Variants in KIF6 observed in about 807,000 individuals in gnomAD.
KIF6 encodes the protein kinesin-like protein KIF6.
KIF6 carries 106 observed loss-of-function variants against 112.7 expected under a neutral mutation model. The observed-to-expected ratio is 0.94, with a 90% CI of 0.80 to 1.11. The LOEUF (loss-of-function observed/expected upper bound fraction) is 1.11. KIF6 is among the 50% of genes least tolerant of loss of function. KIF6 has a pLI of 0.00. For missense variants in KIF6, 929 were observed against 964.0 expected (o/e 0.96, Z 0.48); for synonymous variants, 339 against 339.9 (o/e 1.00, Z 0.03).
chr6:39,341,157 G>C (rs1430800771), intron 22 of KIF6, among the ~76,000 whole-genome samples: 1 of 151,856 alleles, frequency 6.6e-6, no homozygotes, highest in Non-Finnish European at 1.5e-5. Flanking sequence ...CCCCCTGGAG[G>C]GGTTGTATCT....
At chr6:39,666,895 G>A (rs1229345713) in intron 3 of KIF6, among the ~76,000 whole-genome samples, 1 of 152,160 alleles carries the variant, frequency 6.6e-6, no homozygotes, top group Non-Finnish European at 1.5e-5. Flanking sequence ...GAGTCTAATT[G>A]TGTGGCCATT....
Position 39,524,455 on chromosome 6 carries a change from C to T in KIF6, c.1645+15548G>A, listed in dbSNP as rs540390525. ...ACTGGCTGTGCTAGATACTGTGATG[C>T]GCCATCCAGATACCCCTTGAAGAAT... On this transcript the variant is annotated intron_variant, in intron 13 of 22. Coordinates refer to ENST00000287152, the MANE Select transcript of KIF6 (RefSeq NM_145027.6). 5.3e-5 allele frequency among the ~76,000 whole-genome samples: 8 copies of T among 152,200 alleles called. No homozygotes were observed. In the East Asian group the frequency reaches 7.7e-4, roughly 15 times the overall value.
chr6:39,388,550 C>G (rs930876536), intron 15 of KIF6, among the ~76,000 whole-genome samples: 1 of 152,016 alleles, frequency 6.6e-6, no homozygotes, highest in Admixed American at 6.5e-5. Context: ...TTTTATTTCC[C>G]CCAAACAAGC....
At chr6:39,438,530 T>G (rs1021368960) in intron 13 of KIF6, among the ~76,000 whole-genome samples, 2 of 151,736 alleles carry the variant, frequency 1.3e-5, no homozygotes, top group African/African-American at 4.8e-5. Context: ...TTAAAAAAAA[T>G]GAAAAATTTT....
chr6:39,498,375 G>C (rs2150487430), intron 13 of KIF6, among the ~76,000 whole-genome samples: 1 of 152,288 alleles, frequency 6.6e-6, no homozygotes, highest in South Asian at 2.1e-4. Flanking sequence ...TGCGGGTGAG[G>C]AGAGCTGGTC....
intron 16 of KIF6, among the ~76,000 whole-genome samples, chr6:39,367,387 G>A (rs1409536939): frequency 6.6e-6 from 1 of 152,198 alleles, no homozygotes; most frequent in African/African-American, 2.4e-5. Flanking sequence ...TTCAAGGACA[G>A]GATTCTGGCT....
chr6:39,496,900 T>G (rs1170552666), intron 13 of KIF6, among the ~76,000 whole-genome samples: 3 of 152,256 alleles, frequency 2.0e-5, no homozygotes, highest in Non-Finnish European at 4.4e-5. Flanking sequence ...TCAAGTTACT[T>G]AAAACGTCTA....
chr6:39,561,516 T>G (rs776143875), intron 10 of KIF6, among the ~76,000 whole-genome samples: 1 of 151,934 alleles, frequency 6.6e-6, no homozygotes, highest in South Asian at 2.1e-4. Flanking sequence ...CACGCCCGGT[T>G]AATTTTTTTT....
In KIF6 at chr6:39,589,617, T is replaced by A. The variant is rs372487816; in HGVS notation, c.847-3213A>T. 3.9e-5 allele frequency among the ~76,000 whole-genome samples: 6 copies of A among 152,278 alleles called. No homozygotes were observed. The South Asian group carries it at 1.2e-3, about 32-fold the overall frequency. On this transcript the variant is annotated intron_variant, in intron 7 of 22. Coordinates refer to ENST00000287152, the MANE Select transcript of KIF6 (RefSeq NM_145027.6). The stretch of plus-strand genomic sequence containing the variant: ...TAGCTCCACCAAGCAGACAGCCCTA[T>A]GTGGGGTTTGGAGGTGAGCAGTGAG...
intron 13 of KIF6, among the ~76,000 whole-genome samples, chr6:39,532,036 T>C (rs554350171): frequency 1.3e-5 from 2 of 152,256 alleles, no homozygotes; most frequent in South Asian, 4.1e-4. Context: ...ATATTCCTTC[T>C]AGCCACATTT....
At chr6:39,340,071 TAA>T (rs1364630497) in intron 22 of KIF6, among the ~76,000 whole-genome samples, 1 of 152,190 alleles carries the variant, frequency 6.6e-6, no homozygotes, top group African/African-American at 2.4e-5. Context: ...GGCTGCATAT[TAA>T]GTGCCACATG....
At chr6:39,628,533 C>T (rs921996539) in intron 5 of KIF6, among the ~76,000 whole-genome samples, 1 of 152,116 alleles carries the variant, frequency 6.6e-6, no homozygotes, top group African/African-American at 2.4e-5. Flanking sequence ...CCTTCCCTAA[C>T]TCTGTATCCA....
chr6:39,409,176 G>A (rs1571362), intron 15 of KIF6, among the ~76,000 whole-genome samples: 145,485 of 152,262 alleles, frequency 0.96, 69,510 homozygotes, highest in East Asian at 1. Flanking sequence ...GCTGGCCTAC[G>A]GTCTGTGCTT....
chr6:39,497,536 G>A (rs1446781880), intron 13 of KIF6, among the ~76,000 whole-genome samples: 6 of 152,168 alleles, frequency 3.9e-5, no homozygotes, highest in Non-Finnish European at 8.8e-5. Context: ...ATCAACTGTA[G>A]CACAAAGCCC....
intron 5 of KIF6, chr6:39,617,618 G>A (rs989527558): frequency 1.2e-5 from 5 of 429,120 alleles, no homozygotes; most frequent in African/African-American, 1.0e-4. Context: ...TAGTTATCAC[G>A]ACAAATGTCT....
chr6:39,607,628 G>A (rs917303725), intron 6 of KIF6, among the ~76,000 whole-genome samples: 4 of 151,992 alleles, frequency 2.6e-5, no homozygotes, highest in African/African-American at 4.8e-5. Flanking sequence ...GTCGCACTAT[G>A]TTACCCAGGC....
chr6:39,517,971 G>A (rs1205019910), intron 13 of KIF6, among the ~76,000 whole-genome samples: 1 of 152,178 alleles, frequency 6.6e-6, no homozygotes, highest in Non-Finnish European at 1.5e-5. Flanking sequence ...TTCTGGTCCT[G>A]CTTATGTTTA....
intron 13 of KIF6, among the ~76,000 whole-genome samples, chr6:39,524,128 G>T (rs1031915061): frequency 6.9e-6 from 1 of 145,344 alleles, no homozygotes; most frequent in Non-Finnish European, 1.5e-5. Context: ...AAGGCTGTGT[G>T]TGTGTGTGTG....
chr6:39,362,157 C>T (rs756319492), intron 17 of KIF6, among the ~76,000 whole-genome samples: 4 of 152,096 alleles, frequency 2.6e-5, no homozygotes, highest in Non-Finnish European at 4.4e-5. Context: ...GGAAAACCAC[C>T]GTGGTCATAT....
Sources: gnomAD v4.1 joint callset for allele counts (sites outside exome capture counted in the v4.1 genomes callset) on GRCh38, gnomAD v4.1.1 for gene constraint, MANE v1.5 for transcripts, NCBI Gene and HGNC (gene_info 2026-07-23, HGNC 2026-07-21) for gene names.